BFSP2: variants seen among roughly 807,000 people sequenced by gnomAD.
BFSP2 encodes the protein phakinin.
In BFSP2, 38 loss-of-function variants were observed where a neutral mutation model predicts 44.9. That is an observed-to-expected ratio of 0.85 (90% CI 0.65 to 1.11). The LOEUF (loss-of-function observed/expected upper bound fraction) is 1.11. Among genes scored for constraint, BFSP2 ranks in the 50% least tolerant of loss-of-function variants. The pLI, the probability that BFSP2 is intolerant of heterozygous loss-of-function variation, is 0.00. For missense variants in BFSP2, 525 were observed against 533.0 expected (o/e 0.99, Z 0.15); for synonymous variants, 197 against 209.9 (o/e 0.94, Z 0.53).
intron 5 of BFSP2, among the ~76,000 whole-genome samples, chr3:133,471,560 A>T (rs926586759): frequency 1.3e-5 from 2 of 152,200 alleles, no homozygotes; most frequent in Non-Finnish European, 2.9e-5. Context: ...TAAGAAGTTC[A>T]GTGGCAGGTC....
At chr3:133,418,961 G>C (rs1049316620) in intron 1 of BFSP2, among the ~76,000 whole-genome samples, 5 of 152,162 alleles carry the variant, frequency 3.3e-5, no homozygotes, top group African/African-American at 1.2e-4. Flanking sequence ...TGGGCTGCCA[G>C]AACAAAGGCC....
At chr3:133,425,635 G>T (rs2073637256) in intron 1 of BFSP2, among the ~76,000 whole-genome samples, 1 of 151,876 alleles carries the variant, frequency 6.6e-6, no homozygotes, top group African/African-American at 2.4e-5. Flanking sequence ...TTTCTCCCCT[G>T]CCCAGGTAGG....
At chr3:133,410,576 C>T (rs538805556) in intron 1 of BFSP2, 34 of 279,104 alleles carry the variant, frequency 1.2e-4, no homozygotes, top group Non-Finnish European at 2.2e-4. Flanking sequence ...CTCCCTCTCA[C>T]GTATCTTTTC....
At chr3:133,417,741 C>G (rs1423190098) in intron 1 of BFSP2, among the ~76,000 whole-genome samples, 12 of 138,040 alleles carry the variant, frequency 8.7e-5, no homozygotes, top group African/African-American at 3.3e-4. Context: ...CTCACCCGTC[C>G]TCTCCCCTCT....
intron 1 of BFSP2, among the ~76,000 whole-genome samples, chr3:133,426,025 A>T: frequency 8.1e-6 from 1 of 122,942 alleles, no homozygotes; most frequent in Non-Finnish European, 1.7e-5. Flanking sequence ...AAGGGAAGGG[A>T]AGGGAAGGGA....
At chr3:133,409,771 G>C (rs1019249129) in intron 1 of BFSP2, among the ~76,000 whole-genome samples, 1 of 152,176 alleles carries the variant, frequency 6.6e-6, no homozygotes, top group Non-Finnish European at 1.5e-5. Context: ...AGGTGAACAA[G>C]AAGACATCCA....
chr3:133,448,926 G>A (rs1341939246), intron 3 of BFSP2: 8 of 447,370 alleles, frequency 1.8e-5, no homozygotes, highest in African/African-American at 5.9e-5. Flanking sequence ...TGTTAAATTA[G>A]AGGGAGCAAC....
intron 4 of BFSP2, among the ~76,000 whole-genome samples, chr3:133,454,684 A>C (rs768549534): frequency 2.6e-5 from 4 of 152,180 alleles, no homozygotes; most frequent in Non-Finnish European, 5.9e-5. Flanking sequence ...GCTTATTATA[A>C]AGGATACAAT....
At chr3:133,421,264 G>T (rs57137941) in intron 1 of BFSP2, among the ~76,000 whole-genome samples, 13,358 of 152,268 alleles carry the variant, frequency 0.088, 680 homozygotes, top group Middle Eastern at 0.18. Flanking sequence ...CATAACAAAG[G>T]ATTACAAACT....
At chr3:133,447,948 A>T (rs2073918795) in intron 2 of BFSP2, among the ~76,000 whole-genome samples, 1 of 152,226 alleles carries the variant, frequency 6.6e-6, no homozygotes, top group Non-Finnish European at 1.5e-5. Flanking sequence ...AGAGCTCACC[A>T]GGTGACTTAA....
chr3:133,452,326 T>C (rs2073972846), intron 4 of BFSP2, among the ~76,000 whole-genome samples: 1 of 152,196 alleles, frequency 6.6e-6, no homozygotes, highest in Non-Finnish European at 1.5e-5. Context: ...ATCCTTTCAC[T>C]CACCCATTTC....
intron 1 of BFSP2, among the ~76,000 whole-genome samples, chr3:133,404,551 C>G (rs1026813354): frequency 4.6e-5 from 7 of 152,196 alleles, no homozygotes; most frequent in African/African-American, 1.4e-4. Flanking sequence ...GTGGGGTATG[C>G]ACATGCCCAG....
intron 4 of BFSP2, among the ~76,000 whole-genome samples, chr3:133,457,943 A>G (rs1264551999): frequency 6.6e-6 from 1 of 152,250 alleles, no homozygotes; most frequent in Non-Finnish European, 1.5e-5. Context: ...AGAAGAAATT[A>G]GTCACTAACA....
chr3:133,434,212 T>G (rs2073758168), intron 1 of BFSP2, among the ~76,000 whole-genome samples: 1 of 152,238 alleles, frequency 6.6e-6, no homozygotes, highest in African/African-American at 2.4e-5. Flanking sequence ...CTGCCAATTC[T>G]TAGACCTTTT....
intron 1 of BFSP2, among the ~76,000 whole-genome samples, chr3:133,431,992 T>TCCCC (rs754552199): frequency 4.0e-5 from 6 of 151,596 alleles, no homozygotes; most frequent in Non-Finnish European, 4.4e-5. Flanking sequence ...TCCTCTCATA[T>TCCCC]CCCCCCACCT....
chr3:133,448,463 T>C (rs200481807), intron 2 of BFSP2, 26 bp from the exon 3 acceptor site: 2 of 1,613,008 alleles, frequency 1.2e-6, no homozygotes, highest in African/African-American at 1.3e-5. Context: ...TACTCAGTTA[T>C]GCTAATTAAG....
At chr3:133,459,688 T>C (rs1310869073) in intron 4 of BFSP2, among the ~76,000 whole-genome samples, 2 of 152,242 alleles carry the variant, frequency 1.3e-5, no homozygotes, top group Non-Finnish European at 2.9e-5. Flanking sequence ...TAGTGCAGAC[T>C]GGATGGCATC....
At chr3:133,423,168 G>A (rs987569446) in intron 1 of BFSP2, among the ~76,000 whole-genome samples, 6 of 152,198 alleles carry the variant, frequency 3.9e-5, no homozygotes, top group Non-Finnish European at 8.8e-5. Context: ...GATGGAAGAG[G>A]AAGGAAGAAA....
chr3:133,463,031 G>C (rs997190784), intron 4 of BFSP2, among the ~76,000 whole-genome samples: 3 of 152,116 alleles, frequency 2.0e-5, no homozygotes, highest in African/African-American at 4.8e-5. Flanking sequence ...AGCAGAGACC[G>C]GGTGCGGTGG....
Sources: allele counts gnomAD v4.1 joint callset (sites outside exome capture counted in the v4.1 genomes callset), GRCh38; gene constraint gnomAD v4.1.1; transcripts MANE v1.5; gene names NCBI Gene and HGNC (gene_info 2026-07-23, HGNC 2026-07-21).